Variants in KIAA1671 observed in about 807,000 individuals in gnomAD.
KIAA1671 encodes KIAA1671.
A neutral mutation model predicts 131.2 loss-of-function variants in KIAA1671; 52 were observed. The ratio of observed to expected loss-of-function variants is 0.40; its 90% CI spans 0.32 to 0.50. KIAA1671 has a LOEUF of 0.50. KIAA1671 is among the 20% of genes least tolerant of loss of function. The pLI is 0.73. For missense variants in KIAA1671, 2,360 were observed against 2,364.2 expected (o/e 1.00, Z 0.04); for synonymous variants, 1,003 against 961.6 (o/e 1.04, Z -0.80).
In KIAA1671 at chr22:25,177,401, G is replaced by A. The variant is rs1601384989; in HGVS notation, c.4953G>A (p.Lys1651=). 1.9e-6 allele frequency: 3 copies of A among 1,551,752 alleles called. No homozygotes were observed. The highest frequency in any genetic ancestry group is 2.6e-6 in the Non-Finnish European group (3 of 1,147,012). The change falls in exon 9 of 13, where the codon AAG becomes AAA. Residue 1651 remains lysine, a synonymous_variant. Transcript: ENST00000358431. The part of the protein sequence containing the change: ...SALKTRVQLS[K]RSRRRAPISH... ...TCAAGACCCGGGTGCAGCTCAGCAA[G>A]AGAAGCCGCCGCCGGGCCCCCATCT...
intron 6 of KIAA1671, among the ~76,000 whole-genome samples, chr22:25,166,826 G>A (rs73882018): frequency 0.029 from 4,460 of 152,206 alleles, 196 homozygotes; most frequent in African/African-American, 0.1. Context: ...CCTGCCCTGC[G>A]TCCCCACCCT....
intron 6 of KIAA1671, among the ~76,000 whole-genome samples, chr22:25,133,984 T>C (rs1251201659): frequency 1.3e-5 from 2 of 152,180 alleles, no homozygotes; most frequent in Admixed American, 6.5e-5. Context: ...AGGGGAACTT[T>C]CCATCTGGTA....
Position 25,038,984 on chromosome 22 carries a change from C to G in KIAA1671, c.1854C>G (p.His618Gln), listed in dbSNP as rs1328371879. ...QTVWATVFEHHVERHTVADQS... is the reference protein window; with the variant it reads ...QTVWATVFEHQVERHTVADQS... ...TGTGGGCCACAGTATTTGAGCACCA[C>G]GTGGAGAGACACACAGTGGCTGACC... The change falls in exon 5 of 13, where the codon CAC becomes CAG. Residue 618 changes from histidine to glutamine, a missense_variant. Coordinates refer to ENST00000358431, the MANE Select transcript of KIAA1671 (RefSeq NM_001145206.2). 6.4e-7 allele frequency: 1 copy of G among 1,551,648 alleles called. No homozygotes were observed. Among genetic ancestry groups the G allele is most frequent in the African/African-American group, 1.4e-5 (1 of 73,052 alleles).
intron 6 of KIAA1671, among the ~76,000 whole-genome samples, chr22:25,148,383 G>A (rs971619289): frequency 2.0e-5 from 3 of 151,902 alleles, no homozygotes; most frequent in Non-Finnish European, 2.9e-5. Context: ...GCTGGCACAA[G>A]CCCCTGCTGT....
At chr22:25,060,993 A>G (rs1241452707) in intron 6 of KIAA1671, 1 of 152,014 alleles carries the variant, frequency 6.6e-6, no homozygotes, top group African/African-American at 2.4e-5. Context: ...GTCAGTTTCT[A>G]TTTTGTGAAC....
At chr22:25,048,988 G>C (rs917476083) in intron 5 of KIAA1671, 43 of 492,472 alleles carry the variant, frequency 8.7e-5, no homozygotes, top group Middle Eastern at 1.1e-3. Flanking sequence ...AGATAGTTGA[G>C]GCTCAGAGAG....
chr22:25,057,267 T>C (rs1401196951), intron 6 of KIAA1671: 2 of 152,368 alleles, frequency 1.3e-5, no homozygotes, highest in African/African-American at 4.8e-5. Context: ...GGAAGAAGGA[T>C]GGCTGGCTTC....
At chr22:25,057,007 A>C (rs1927875666) in intron 6 of KIAA1671, 2 of 152,194 alleles carry the variant, frequency 1.3e-5, no homozygotes, top group Admixed American at 1.3e-4. Flanking sequence ...ATCCGTCTTC[A>C]TACTCCCCAC....
At chr22:25,148,070 C>G (rs555231071) in intron 6 of KIAA1671, among the ~76,000 whole-genome samples, 1 of 141,384 alleles carries the variant, frequency 7.1e-6, no homozygotes, top group Non-Finnish European at 1.5e-5. Context: ...TTTTTCTCCT[C>G]TCTTTCTTTA....
At chr22:25,023,277 G>A (rs1273250609) in intron 1 of KIAA1671, 2 of 152,196 alleles carry the variant, frequency 1.3e-5, no homozygotes, top group African/African-American at 4.8e-5. Context: ...TAAGGCACGA[G>A]AATCACTTGA....
At chr22:25,076,393 C>A (rs1421327211) in intron 6 of KIAA1671, among the ~76,000 whole-genome samples, 1 of 152,082 alleles carries the variant, frequency 6.6e-6, no homozygotes, top group Non-Finnish European at 1.5e-5. Context: ...TGGGGCCAAG[C>A]GTGGGCTGCA....
intron 1 of KIAA1671, among the ~76,000 whole-genome samples, chr22:24,958,129 C>A (rs1212210453): frequency 2.6e-5 from 4 of 152,056 alleles, no homozygotes; most frequent in Non-Finnish European, 4.4e-5. Flanking sequence ...GAACCCAAAG[C>A]TGTCTGCCTC....
chr22:25,170,687 C>T (rs904055090), intron 6 of KIAA1671, 133 bp from the exon 7 acceptor site: 6 of 795,906 alleles, frequency 7.5e-6, no homozygotes. Flanking sequence ...ATGTCTGGCC[C>T]CACTTAGGAA....
chr22:25,002,128 G>A (rs2123863190), intron 1 of KIAA1671, among the ~76,000 whole-genome samples: 1 of 152,252 alleles, frequency 6.6e-6, no homozygotes, highest in South Asian at 2.1e-4. Context: ...AAAACGAGCA[G>A]GCTTGCCTTA....
chr22:25,101,065 G>C (rs1394427684), intron 6 of KIAA1671, among the ~76,000 whole-genome samples: 1 of 152,112 alleles, frequency 6.6e-6, no homozygotes, highest in East Asian at 1.9e-4. Context: ...ATCTTGCTTT[G>C]TTTTGCTAAC....
intron 6 of KIAA1671, among the ~76,000 whole-genome samples, chr22:25,082,921 T>G (rs1414781548): frequency 6.6e-6 from 1 of 152,220 alleles, no homozygotes. Flanking sequence ...TCATATTGTT[T>G]TAATATTTCA....
At position 25,040,319 on chromosome 22, in the gene KIAA1671, T is replaced by G; in HGVS notation, c.3189T>G (p.Ser1063=). Residue 1063 remains serine, a synonymous_variant, in exon 5 of 13, where the codon TCT becomes TCG. Transcript: ENST00000358431. ...CTAGAAAAATCACTCCACCCTCGTC[T>G]CCTCATTCTTTAACATCCACTTTGG... ...EHSRKITPPS[S]PHSLTSTLVS... The G allele has an allele frequency of 6.4e-7, 1 of 1,551,794 alleles. No individual in the cohort carries two copies.
chr22:25,150,098 C>T (rs1410869313), intron 6 of KIAA1671, among the ~76,000 whole-genome samples: 1 of 152,240 alleles, frequency 6.6e-6, no homozygotes, highest in Non-Finnish European at 1.5e-5. Flanking sequence ...ATAGTTCTGT[C>T]ATACAGTAGG....
chr22:25,037,316 C>A (rs1324641108), intron 4 of KIAA1671, among the ~76,000 whole-genome samples: 2 of 151,964 alleles, frequency 1.3e-5, no homozygotes, highest in African/African-American at 4.8e-5. Flanking sequence ...GAGCAAGACT[C>A]CATCACAAAA....
Sources: gnomAD v4.1 joint callset for allele counts (sites outside exome capture counted in the v4.1 genomes callset) on GRCh38, gnomAD v4.1.1 for gene constraint, MANE v1.5 for transcripts, NCBI Gene and HGNC (gene_info 2026-07-23, HGNC 2026-07-21) for gene names.